Variants in SUGCT observed in about 807,000 individuals in gnomAD.
SUGCT encodes succinyl-CoA:glutarate CoA-transferase.
Under a neutral mutation model 55.0 loss-of-function variants are expected in SUGCT, and 41 were observed. The ratio of observed to expected loss-of-function variants is 0.74; its 90% CI spans 0.58 to 0.97. The LOEUF (loss-of-function observed/expected upper bound fraction) is 0.97. Among genes scored for constraint, SUGCT ranks in the 50% least tolerant of loss-of-function variants. The pLI is 0.00. For synonymous variants in SUGCT, 187 were observed against 200.4 expected, an observed-to-expected ratio of 0.93 and a Z score of 0.56; for missense variants, 568 against 547.8, an observed-to-expected ratio of 1.04 and a Z score of -0.37.
chr7:40,435,844 G>C (rs1788144212), intron 9 of SUGCT, among the ~76,000 whole-genome samples: 1 of 151,638 alleles, frequency 6.6e-6, no homozygotes, highest in African/African-American at 2.4e-5. Flanking sequence ...TATCTCTTGG[G>C]CCATTTAACT....
chr7:40,296,970 C>T (rs1217258834), intron 8 of SUGCT, among the ~76,000 whole-genome samples: 1 of 152,150 alleles, frequency 6.6e-6, no homozygotes, highest in Non-Finnish European at 1.5e-5. Context: ...TTAGTTTCCT[C>T]ATTCACTAAA....
At chr7:40,403,261 A>ACCT in intron 9 of SUGCT, among the ~76,000 whole-genome samples, 1 of 152,236 alleles carries the variant, frequency 6.6e-6, no homozygotes, top group East Asian at 1.9e-4. Flanking sequence ...AGAAGTAGGT[A>ACCT]AGCTTAGCAA....
intron 12 of SUGCT, chr7:40,539,379 G>A (rs1301021898): frequency 6.6e-6 from 1 of 152,150 alleles, no homozygotes; most frequent in Non-Finnish European, 1.5e-5. Flanking sequence ...AGGAAAAGAT[G>A]GGTAGGAATA....
At chr7:40,300,921 T>G (rs1377596943) in intron 8 of SUGCT, among the ~76,000 whole-genome samples, 1 of 152,220 alleles carries the variant, frequency 6.6e-6, no homozygotes, top group Non-Finnish European at 1.5e-5. Context: ...TGTGAAGTGA[T>G]GGCCATAAAA....
At chr7:40,630,656 CT>C (rs1799749088) in intron 12 of SUGCT, among the ~76,000 whole-genome samples, 1 of 152,146 alleles carries the variant, frequency 6.6e-6, no homozygotes. Context: ...TTCTGACTAA[CT>C]GTATGCCAAT....
chr7:40,565,133 A>G (rs1268592072), intron 12 of SUGCT, among the ~76,000 whole-genome samples: 1 of 152,220 alleles, frequency 6.6e-6, no homozygotes, highest in Non-Finnish European at 1.5e-5. Flanking sequence ...AAAAATAGGC[A>G]GAATTCAGCA....
chr7:40,749,579 C>A, intron 13 of SUGCT, 82 bp downstream of exon 13: 2 of 1,116,510 alleles, frequency 1.8e-6, no homozygotes, highest in Non-Finnish European at 1.4e-6. Context: ...AGCTTATGAG[C>A]TCCCAAACAA....
intron 12 of SUGCT, among the ~76,000 whole-genome samples, chr7:40,723,719 C>T (rs1786468818): frequency 6.6e-6 from 1 of 152,184 alleles, no homozygotes; most frequent in Non-Finnish European, 1.5e-5. Context: ...AAAAGTATGA[C>T]TTTCCAGGAA....
intron 9 of SUGCT, among the ~76,000 whole-genome samples, chr7:40,392,630 C>A (rs923077054): frequency 1.3e-5 from 2 of 152,010 alleles, no homozygotes; most frequent in African/African-American, 4.8e-5. Flanking sequence ...CAGAGAGATA[C>A]TGACAGGTTT....
At chr7:40,710,950 T>A (rs1399355695) in intron 12 of SUGCT, among the ~76,000 whole-genome samples, 1 of 152,162 alleles carries the variant, frequency 6.6e-6, no homozygotes, top group Non-Finnish European at 1.5e-5. Context: ...CTGCTGCCAG[T>A]GGACTGGGGT....
At chr7:40,294,929 G>C (rs754857910) in intron 8 of SUGCT, among the ~76,000 whole-genome samples, 1 of 152,176 alleles carries the variant, frequency 6.6e-6, no homozygotes, top group Non-Finnish European at 1.5e-5. Context: ...AATATGCTGC[G>C]CAAAAAGCTT....
chr7:40,914,478 C>T, the SUGCT span, among the ~76,000 whole-genome samples: 1 of 151,966 alleles, frequency 6.6e-6, no homozygotes, highest in Non-Finnish European at 1.5e-5. Flanking sequence ...AGTTTTGTCA[C>T]CCAATTAATG....
the SUGCT span, among the ~76,000 whole-genome samples, chr7:40,873,430 C>T: frequency 1.3e-5 from 2 of 152,194 alleles, no homozygotes; most frequent in Admixed American, 1.3e-4. Context: ...GACTTCTGCA[C>T]TGGTTTGTTG....
intron 1 of SUGCT, among the ~76,000 whole-genome samples, chr7:40,157,990 C>CCT (rs1040836474): frequency 6.6e-6 from 1 of 151,740 alleles, no homozygotes; most frequent in Non-Finnish European, 1.5e-5. Context: ...AGGCAGATCA[C>CCT]GAGGTCAAGA....
intron 7 of SUGCT, among the ~76,000 whole-genome samples, chr7:40,244,526 T>G (rs1187920819): frequency 6.6e-6 from 1 of 152,178 alleles, no homozygotes; most frequent in Non-Finnish European, 1.5e-5. Flanking sequence ...AGAAGATGTT[T>G]CAGAAGGGGA....
At position 40,782,888 on chromosome 7, in the gene SUGCT, G is replaced by T. The variant is rs17714085; in HGVS notation, c.1153+33391G>T. Reference sequence around the variant, plus strand: ...CAATAGATTCTAGTCTTTTCACTATGGTCCTTTAACCCTTCTAACCACTGG... The same window carrying T: ...CAATAGATTCTAGTCTTTTCACTATTGTCCTTTAACCCTTCTAACCACTGG... On this transcript the variant is annotated intron_variant, in intron 13 of 13. Transcript: ENST00000335693. Among the ~76,000 whole-genome samples, 474 of 152,164 alleles carry T rather than the reference G, an allele frequency of 3.1e-3. 5 individuals are homozygous for T. The East Asian group carries it at 0.044, about 14-fold the overall frequency.
intron 7 of SUGCT, among the ~76,000 whole-genome samples, chr7:40,250,753 T>A (rs1420908304): frequency 6.6e-6 from 1 of 151,578 alleles, no homozygotes; most frequent in Non-Finnish European, 1.5e-5. Flanking sequence ...ACAAAAGTAA[T>A]CATTACTAAA....
chr7:40,709,587 G>A (rs1785599018), intron 12 of SUGCT, among the ~76,000 whole-genome samples: 1 of 152,270 alleles, frequency 6.6e-6, no homozygotes, highest in East Asian at 1.9e-4. Flanking sequence ...ATCTCTCCTT[G>A]TTCTGCCTAG....
chr7:40,173,557 C>T (rs1784780251), intron 1 of SUGCT, among the ~76,000 whole-genome samples: 1 of 152,218 alleles, frequency 6.6e-6, no homozygotes, highest in Admixed American at 6.5e-5. Context: ...GTCCCTTACC[C>T]TGTGCTTTCA....
Sources: allele counts gnomAD v4.1 joint callset (sites outside exome capture counted in the v4.1 genomes callset), GRCh38; gene constraint gnomAD v4.1.1; transcripts MANE v1.5; gene names NCBI Gene and HGNC (gene_info 2026-07-23, HGNC 2026-07-21).